The following MIER1 variants were observed in gnomAD, a reference collection of about 807,000 sequenced individuals.
MIER1 encodes MIER1 transcriptional regulator.
A neutral mutation model predicts 75.7 loss-of-function variants in MIER1; 40 were observed. The ratio of observed to expected loss-of-function variants is 0.53; its 90% CI spans 0.41 to 0.69. MIER1 has a LOEUF of 0.69. Among genes scored for constraint, MIER1 ranks in the 30% least tolerant of loss-of-function variants. MIER1 has a pLI of 0.00. For missense variants in MIER1, 574 were observed against 680.2 expected (o/e 0.84, Z 1.74); for synonymous variants, 213 against 223.4 (o/e 0.95, Z 0.42).
At chr1:66,973,473 C>G (rs987454212) in intron 11 of MIER1, among the ~76,000 whole-genome samples, 2 of 152,098 alleles carry the variant, frequency 1.3e-5, no homozygotes, top group Middle Eastern at 3.4e-3. Context: ...CTAGGAGCTT[C>G]TGTGTCGATA....
chr1:66,935,415 T>C (rs946131001), intron 2 of MIER1, among the ~76,000 whole-genome samples: 1 of 152,218 alleles, frequency 6.6e-6, no homozygotes, highest in Non-Finnish European at 1.5e-5. Context: ...CTCTCTAGTG[T>C]TGTTTTCCAT....
At chr1:66,971,514 A>C in intron 9 of MIER1, 141 bp from the exon 10 acceptor site, 1 of 485,280 alleles carries the variant, frequency 2.1e-6, no homozygotes. Flanking sequence ...TTTTCTTTGG[A>C]GTTCTCTATA....
intron 4 of MIER1, among the ~76,000 whole-genome samples, chr1:66,951,012 A>G (rs182059708): frequency 1.3e-5 from 2 of 152,278 alleles, no homozygotes; most frequent in Admixed American, 6.5e-5. Flanking sequence ...AGCATCTGCC[A>G]TTTCTTAATG....
At chr1:66,968,592 G>C (rs758965570) in intron 8 of MIER1, among the ~76,000 whole-genome samples, 1 of 152,032 alleles carries the variant, frequency 6.6e-6, no homozygotes, top group Non-Finnish European at 1.5e-5. Context: ...TCTGCCATCC[G>C]ACTTTTTTTA....
At chr1:66,953,234 A>C (rs1570303737) in intron 4 of MIER1, among the ~76,000 whole-genome samples, 2 of 152,244 alleles carry the variant, frequency 1.3e-5, no homozygotes, top group East Asian at 3.8e-4. Flanking sequence ...AGAAGTAGAG[A>C]GTAGGAGAGG....
In MIER1 at chr1:66,986,191, T is replaced by C; in HGVS notation, c.*1291T>C. 1 of 1,247,158 alleles carries C rather than the reference T, an allele frequency of 8.0e-7. No homozygotes were observed. The highest frequency in any genetic ancestry group is 1.0e-6 in the Non-Finnish European group (1 of 996,318). The allele number at this position is 1,247,158 out of a possible 1,614,324, so 77.3% of individuals were successfully genotyped here. ...TAGTTACAATCCAATTTTTCAGATTTGATAATGCTTTTCCAAAGTGAAAAT... is the reference window on the plus strand; with the variant it reads ...TAGTTACAATCCAATTTTTCAGATTCGATAATGCTTTTCCAAAGTGAAAAT... On this transcript the variant is annotated 3_prime_UTR_variant, in exon 14 of 14. Transcript: ENST00000401041.
chr1:66,987,810 A>G lies in MIER1; in HGVS notation c.*2910A>G, dbSNP rs942215019. 6.6e-6 allele frequency: 1 copy of G among 152,202 alleles called. No individual in the cohort carries two copies. Among genetic ancestry groups the G allele is most frequent in the Non-Finnish European group, 1.5e-5 (1 of 67,986 alleles). 9.4% of individuals were successfully genotyped at this position (152,202 alleles called of 1,614,324 possible). A position where few individuals can be genotyped will look rare whatever the true frequency, so the allele number is the denominator to read the frequency against. On this transcript the variant is annotated 3_prime_UTR_variant, in exon 14 of 14. Transcript: ENST00000401041. ...TTTCTTCTATTCCTAGACATATTGC[A>G]CTACTTTTTCAGTGGTTCTTGGTCC... is the stretch of plus-strand genomic sequence containing the variant.
chr1:66,955,265 A>G (rs912592051), intron 4 of MIER1, among the ~76,000 whole-genome samples: 14 of 148,430 alleles, frequency 9.4e-5, no homozygotes, highest in Non-Finnish European at 1.5e-4. Context: ...ATTTGCAGGT[A>G]TCTTATCCCA....
intron 13 of MIER1, 61 bp from the exon 14 acceptor site, chr1:66,984,510 TA>T: frequency 8.4e-7 from 1 of 1,185,374 alleles, no homozygotes; most frequent in Non-Finnish European, 1.2e-6. Context: ...AGCTGTTTTA[TA>T]ATAGTTTGCA....
At chr1:66,928,551 C>A (rs764953572) in intron 2 of MIER1, among the ~76,000 whole-genome samples, 6 of 152,184 alleles carry the variant, frequency 3.9e-5, no homozygotes, top group Non-Finnish European at 8.8e-5. Context: ...TGTGTCTGTA[C>A]CCACCTCAGG....
chr1:66,941,913 G>C (rs1444469915), intron 3 of MIER1, among the ~76,000 whole-genome samples: 3 of 148,420 alleles, frequency 2.0e-5, no homozygotes, highest in Non-Finnish European at 4.4e-5. Flanking sequence ...AGGTTGCAGT[G>C]AGCTGAGATC....
At chr1:66,925,224 T>C (rs1310657163) in intron 1 of MIER1, 129 bp downstream of exon 1, 7 of 1,366,974 alleles carry the variant, frequency 5.1e-6, no homozygotes, top group African/African-American at 4.6e-5. Flanking sequence ...GGAAGACCCT[T>C]AACTTCCGGG....
chr1:66,945,811 C>T (rs1026309821), intron 3 of MIER1, among the ~76,000 whole-genome samples: 4 of 152,018 alleles, frequency 2.6e-5, no homozygotes, highest in Non-Finnish European at 5.9e-5. Flanking sequence ...GTGAGCTGCA[C>T]CCCAGCCTGG....
chr1:66,985,241 T>TA lies in MIER1; in HGVS notation c.*343dup. On this transcript the variant is annotated 3_prime_UTR_variant, in exon 14 of 14. Transcript: ENST00000401041. ...ATCTGTACCTTCTCATTTGATGTAT[T>TA]AATCATAAAATTTCACTACAAGGTA... 6 of 970,772 alleles carry TA rather than the reference T, an allele frequency of 6.2e-6. No homozygotes were observed. The highest frequency in any genetic ancestry group is 7.4e-6 in the Non-Finnish European group (6 of 815,596). The allele number at this position is 970,772 out of a possible 1,614,324, so 60.1% of individuals were successfully genotyped here.
chr1:66,934,196 G>A (rs770973050), intron 2 of MIER1, among the ~76,000 whole-genome samples: 3 of 152,104 alleles, frequency 2.0e-5, no homozygotes, highest in Admixed American at 2.0e-4. Flanking sequence ...ATACTCCTTA[G>A]TAGTGTTAGG....
chr1:66,964,448 C>CTTTTTTTTTT (rs71058483), intron 8 of MIER1, among the ~76,000 whole-genome samples: 1 of 119,800 alleles, frequency 8.3e-6, no homozygotes, highest in African/African-American at 3.2e-5. Flanking sequence ...TGTATGTTTC[C>CTTTTTTTTTT]TTTTTTTTTT....
At chr1:66,964,448 CT>C (rs71058483) in intron 8 of MIER1, among the ~76,000 whole-genome samples, 4,184 of 119,174 alleles carry the variant, frequency 0.035, 34 homozygotes, top group Non-Finnish European at 0.044. Context: ...TGTATGTTTC[CT>C]TTTTTTTTTT....
intron 8 of MIER1, among the ~76,000 whole-genome samples, chr1:66,966,266 A>G (rs992281082): frequency 6.6e-6 from 1 of 152,022 alleles, no homozygotes; most frequent in African/African-American, 2.4e-5. Flanking sequence ...CTTCCCACCT[A>G]TGAGTGAGAA....
chr1:66,928,969 G>C, intron 2 of MIER1: 1 of 1,580,048 alleles, frequency 6.3e-7, no homozygotes, highest in Non-Finnish European at 8.7e-7. Context: ...ACCAGGTAAT[G>C]TCCTTTCACT....
Sources: allele counts gnomAD v4.1 joint callset (sites outside exome capture counted in the v4.1 genomes callset), GRCh38; gene constraint gnomAD v4.1.1; transcripts MANE v1.5; gene names NCBI Gene and HGNC (gene_info 2026-07-23, HGNC 2026-07-21).